The following NQO2 variants were observed in gnomAD, a reference collection of about 807,000 sequenced individuals.
NQO2 encodes ribosyldihydronicotinamide dehydrogenase [quinone].
NQO2 carries 18 observed loss-of-function variants against 22.0 expected under a neutral mutation model. The ratio of observed to expected loss-of-function variants is 0.82; its 90% CI spans 0.56 to 1.21. NQO2 has a LOEUF of 1.21. Ranked by LOEUF, NQO2 falls within the 50% of genes most tolerant of loss-of-function variation. NQO2 has a pLI of 0.00. For synonymous variants in NQO2, 106 were observed against 110.8 expected (o/e 0.96, Z 0.28); for missense variants, 267 against 286.9 (o/e 0.93, Z 0.50).
At chr6:3,003,431 A>G (rs1295046919) in intron 1 of NQO2, 4 of 600,620 alleles carry the variant, frequency 6.7e-6, no homozygotes, top group Non-Finnish European at 8.4e-6. Flanking sequence ...TCCCTGACAC[A>G]TGCTCGCTGC....
intron 2 of NQO2, 21 bp from the exon 3 acceptor site, chr6:3,010,004 C>A: frequency 1.3e-6 from 2 of 1,594,378 alleles, no homozygotes; most frequent in Non-Finnish European, 1.7e-6. Flanking sequence ...TCAAGAGGAA[C>A]TGTTTCTTAT....
intron 5 of NQO2, among the ~76,000 whole-genome samples, chr6:3,016,430 C>CAAAAAAAAAAAAAAAAAAAAAA (rs36118697): frequency 9.3e-5 from 8 of 85,696 alleles, no homozygotes; most frequent in African/African-American, 3.4e-4. Context: ...GACTCTGTCT[C>CAAAAAAAAAAAAAAAAAAAAAA]AAAAAAAAAA....
At chr6:3,002,121 G>C (rs1756753443) in intron 1 of NQO2, 1 of 731,562 alleles carries the variant, frequency 1.4e-6, no homozygotes, top group Admixed American at 6.3e-5. Context: ...CTGGGCCAAG[G>C]AATACAAAAG....
chr6:3,008,800 G>A (rs535108845), intron 2 of NQO2, among the ~76,000 whole-genome samples: 33 of 152,242 alleles, frequency 2.2e-4, no homozygotes, highest in Non-Finnish European at 4.4e-4. Flanking sequence ...GGCAGGTTCC[G>A]TGATGCCCCC....
intron 6 of NQO2, chr6:3,019,227 G>A (rs1252820081): frequency 3.2e-6 from 1 of 317,084 alleles, no homozygotes; most frequent in Admixed American, 6.5e-5. Context: ...CAGTTGCAAA[G>A]ATTGTAGGTT....
chr6:3,002,758 TG>T (rs760873958), intron 1 of NQO2, among the ~76,000 whole-genome samples: 63 of 152,094 alleles, frequency 4.1e-4, no homozygotes, highest in Non-Finnish European at 6.3e-4. Context: ...TTTTTTTTTT[TG>T]AACCACAGTT....
intron 3 of NQO2, 195 bp from the exon 4 acceptor site, chr6:3,012,349 C>A: frequency 1.0e-6 from 1 of 980,104 alleles, no homozygotes; most frequent in Non-Finnish European, 1.2e-6. Context: ...TGCTAGGTAG[C>A]AAGTGCTCAA....
chr6:3,014,813 A>C (rs1757268014), intron 4 of NQO2, among the ~76,000 whole-genome samples: 1 of 151,754 alleles, frequency 6.6e-6, no homozygotes. Flanking sequence ...GCTGTGAACT[A>C]TTAGTAGCCC....
chr6:3,003,831 GAC>G (rs1445767900), intron 1 of NQO2: 1 of 888,670 alleles, frequency 1.1e-6, no homozygotes, highest in Non-Finnish European at 1.3e-6. Context: ...CTTTCAGACA[GAC>G]AGTGCATGGC....
chr6:3,014,063 G>A (rs1003884429), intron 4 of NQO2, among the ~76,000 whole-genome samples: 3 of 152,202 alleles, frequency 2.0e-5, no homozygotes, highest in Admixed American at 6.5e-5. Flanking sequence ...GCAGGAGAAC[G>A]AGAGCACTGT....
At position 3,009,035 on chromosome 6, in the gene NQO2, T is replaced by C. The variant is rs948931642; in HGVS notation, c.8-990T>C. Among the ~76,000 whole-genome samples, 6 of 152,272 alleles carry C rather than the reference T, an allele frequency of 3.9e-5. 1 individual carries two copies. The highest frequency in any genetic ancestry group is 3.9e-4 in the Admixed American group (6 of 15,294). ...AGAACATCTTATCAGGAGCCAGGGT[T>C]TGAGAGCAGACAACCGATCTGACCA... On this transcript the variant is annotated intron_variant, in intron 2 of 6. Coordinates refer to ENST00000380455, the MANE Select transcript of NQO2 (RefSeq NM_000904.6).
At chr6:3,014,196 C>T (rs978970370) in intron 4 of NQO2, among the ~76,000 whole-genome samples, 5 of 152,162 alleles carry the variant, frequency 3.3e-5, no homozygotes, top group Admixed American at 2.0e-4. Context: ...CCTGCATGTG[C>T]GGGAAGAGGG....
In NQO2 at chr6:3,019,632, G is replaced by A. The variant is rs2113470604; in HGVS notation, c.673G>A (p.Ala225Thr). 1 of 1,611,290 alleles carries A rather than the reference G, an allele frequency of 6.2e-7. No homozygotes were observed. Among genetic ancestry groups the A allele is most frequent in the Non-Finnish European group, 8.5e-7 (1 of 1,178,368 alleles). The change falls in exon 7 of 7, where the codon GCC (alanine) becomes ACC (threonine). Residue 225 changes from alanine to threonine, a missense_variant. Physicochemically the swap from Ala to Thr is moderately conservative, Grantham distance 58. Coordinates refer to ENST00000380455, the MANE Select transcript of NQO2 (RefSeq NM_000904.6). The stretch of plus-strand genomic sequence containing the variant: ...GAAGGAAGAGCCCATCCCCTGCACA[G>A]CCCACTGGCACTTCGGGCAATAACT... ...IWKEEPIPCT[A>T]HWHFGQ is the part of the protein sequence containing the mutation.
In NQO2 at chr6:3,019,521, C is replaced by G; in HGVS notation, c.562C>G (p.Gln188Glu). ...HFCGFKVLAPQISFAPEIASE... is the reference protein window; with the variant it reads ...HFCGFKVLAPEISFAPEIASE... Reference sequence around the variant, plus strand: ...CTGTGGATTTAAAGTCCTTGCCCCTCAGATCAGCTTTGCTCCTGAAATTGC... The same window carrying G: ...CTGTGGATTTAAAGTCCTTGCCCCTGAGATCAGCTTTGCTCCTGAAATTGC... Residue 188 changes from glutamine (Q) to glutamate (E), a missense_variant, in exon 7 of 7, where the codon CAG (glutamine) becomes GAG (glutamate). Physicochemically the swap from Gln to Glu is conservative, Grantham distance 29 (BLOSUM62 2). Transcript: ENST00000380455. 1.2e-6 allele frequency: 2 copies of G among 1,614,168 alleles called. No homozygotes were observed. The highest frequency in any genetic ancestry group is 1.7e-6 in the Non-Finnish European group (2 of 1,180,018).
chr6:3,012,285 C>A, intron 3 of NQO2: 1 of 617,172 alleles, frequency 1.6e-6, no homozygotes, highest in Non-Finnish European at 2.0e-6. Context: ...TTGGGAAATA[C>A]ACCAGTCTCA....
rs140841244 is a variant in NQO2, at chr6:3,015,606, T to G, written c.380T>G (p.Phe127Cys). 3.3e-5 allele frequency: 53 copies of G among 1,614,212 alleles called. No homozygotes were observed. In the African/African-American group the frequency reaches 6.8e-4, roughly 21 times the overall value. ...AGGGTGCTGTGCCAGGGCTTTGCCT[T>G]TGACATCCCAGGATTCTACGATTCC... ...MDRVLCQGFA[F>C]DIPGFYDSGL... Residue 127 changes from phenylalanine to cysteine, a missense_variant, in exon 5 of 7, where the codon TTT becomes TGT. Transcript: ENST00000380455.
chr6:3,016,855 C>T (rs1280639620), intron 5 of NQO2, 29 bp from the exon 6 acceptor site: 4 of 1,611,160 alleles, frequency 2.5e-6, no homozygotes, highest in Non-Finnish European at 1.7e-6. Flanking sequence ...CTGGAGTCCA[C>T]ACAAATGCAT....
chr6:3,018,477 C>G (rs747877149), intron 6 of NQO2, among the ~76,000 whole-genome samples: 19 of 152,276 alleles, frequency 1.2e-4, no homozygotes, highest in Middle Eastern at 6.8e-3. Flanking sequence ...TGCACTCCAG[C>G]CTGGGCAACA....
intron 4 of NQO2, among the ~76,000 whole-genome samples, chr6:3,013,331 C>T (rs185813971): frequency 6.6e-6 from 1 of 152,118 alleles, no homozygotes; most frequent in African/African-American, 2.4e-5. Context: ...CTCCAAATCC[C>T]GACTGCCATG....
Sources: allele counts gnomAD v4.1 joint callset (sites outside exome capture counted in the v4.1 genomes callset), GRCh38; gene constraint gnomAD v4.1.1; transcripts MANE v1.5; gene names NCBI Gene and HGNC (gene_info 2026-07-23, HGNC 2026-07-21).